Variants in PRKG1 observed in about 807,000 individuals in gnomAD.
The protein encoded by PRKG1 is cGMP-dependent protein kinase 1.
PRKG1 carries 35 observed loss-of-function variants against 88.1 expected under a neutral mutation model. The observed-to-expected ratio is 0.40, with a 90% CI of 0.30 to 0.53. The LOEUF is 0.53. PRKG1 is among the 20% of genes least tolerant of loss of function. The pLI is 0.59. For synonymous variants in PRKG1, 303 were observed against 292.5 expected, an observed-to-expected ratio of 1.04 and a Z score of -0.37; for missense variants, 540 against 839.8, an observed-to-expected ratio of 0.64 and a Z score of 4.41.
chr10:51,413,451 C>T (rs765311445), intron 2 of PRKG1, among the ~76,000 whole-genome samples: 1 of 152,010 alleles, frequency 6.6e-6, no homozygotes, highest in Admixed American at 6.6e-5. Flanking sequence ...CTCTGCTTCC[C>T]GGGGTTCAAG....
In PRKG1 at chr10:52,294,282, T is replaced by C. The variant is rs1244441670; in HGVS notation, c.*382T>C. ...TATTCAAGAAGATGAAAGAATAATA[T>C]ATTGGGTACAATAGATTACTATGGT... is the stretch of plus-strand genomic sequence containing the variant. On this transcript the variant is annotated 3_prime_UTR_variant, in exon 18 of 18. Transcript: ENST00000373980. The C allele has an allele frequency of 6.1e-6, 1 of 165,162 alleles. No individual in the cohort carries two copies. The highest frequency in any genetic ancestry group is 1.3e-5 in the Non-Finnish European group (1 of 76,434). The allele number at this position is 165,162 out of a possible 1,614,324, so 10.2% of individuals were successfully genotyped here. A position where few individuals can be genotyped will look rare whatever the true frequency, so the allele number is the denominator to read the frequency against.
chr10:51,299,138 C>G (rs568254663), intron 2 of PRKG1, among the ~76,000 whole-genome samples: 166 of 152,120 alleles, frequency 1.1e-3, no homozygotes, highest in African/African-American at 3.9e-3. Context: ...TGTCTTTTTG[C>G]CTTTGATGAA....
chr10:51,540,800 A>G (rs535426705), intron 3 of PRKG1, among the ~76,000 whole-genome samples: 5 of 151,904 alleles, frequency 3.3e-5, no homozygotes, highest in South Asian at 2.1e-4. Flanking sequence ...GCTCACTGCT[A>G]TCTCCTCCTC....
At chr10:51,104,426 G>A (rs1322507603) in intron 1 of PRKG1, among the ~76,000 whole-genome samples, 1 of 152,188 alleles carries the variant, frequency 6.6e-6, no homozygotes, top group East Asian at 1.9e-4. Flanking sequence ...TGCGTGACAA[G>A]AGATAGTTGT....
At chr10:51,209,637 A>G (rs1838160675) in intron 2 of PRKG1, among the ~76,000 whole-genome samples, 1 of 152,164 alleles carries the variant, frequency 6.6e-6, no homozygotes. Flanking sequence ...TTTTTGGAAT[A>G]TTATTCTTGC....
chr10:52,108,730 TAAC>T (rs1361337361), intron 7 of PRKG1, among the ~76,000 whole-genome samples: 1 of 152,170 alleles, frequency 6.6e-6, no homozygotes, highest in Non-Finnish European at 1.5e-5. Flanking sequence ...CATAATCTAT[TAAC>T]AAAATTTTCC....
chr10:52,021,741 T>C (rs938749993), intron 5 of PRKG1, among the ~76,000 whole-genome samples: 1 of 152,168 alleles, frequency 6.6e-6, no homozygotes, highest in Non-Finnish European at 1.5e-5. Context: ...ATGTTGATGT[T>C]GTTGACGATG....
rs371165801 is a variant in PRKG1 at position 52,028,628 on chromosome 10, C to T, written c.763-25856C>T. Among the ~76,000 whole-genome samples the T allele has an allele frequency of 3.7e-4, 57 of 152,244 alleles. No homozygotes were observed. The East Asian group carries it at 8.5e-3, about 23-fold the overall frequency. ...ACCTCATGCTGGTGTTAAACAGATCCTAAGTGTACCTGTTCCAATACCTAG... is the reference window on the plus strand; with the variant it reads ...ACCTCATGCTGGTGTTAAACAGATCTTAAGTGTACCTGTTCCAATACCTAG... On this transcript the variant is annotated intron_variant, in intron 5 of 17. Transcript: ENST00000373980.
At chr10:52,119,679 C>T (rs999462046) in intron 7 of PRKG1, among the ~76,000 whole-genome samples, 2 of 152,192 alleles carry the variant, frequency 1.3e-5, no homozygotes, top group African/African-American at 2.4e-5. Context: ...CTCTAAAGTA[C>T]TCATAACCCA....
At chr10:51,937,189 C>T (rs1256028195) in intron 5 of PRKG1, among the ~76,000 whole-genome samples, 2 of 151,900 alleles carry the variant, frequency 1.3e-5, no homozygotes, top group African/African-American at 2.4e-5. Context: ...CTTCATAGGA[C>T]TTGATTTACA....
chr10:51,313,497 C>G (rs1256681190), intron 2 of PRKG1, among the ~76,000 whole-genome samples: 2 of 152,144 alleles, frequency 1.3e-5, no homozygotes, highest in Non-Finnish European at 2.9e-5. Context: ...TTCTCAAAGG[C>G]ATGAACCAGG....
At chr10:51,578,980 GTT>G (rs752412264) in intron 3 of PRKG1, among the ~76,000 whole-genome samples, 201 of 77,800 alleles carry the variant, frequency 2.6e-3, no homozygotes, top group African/African-American at 8.8e-3. Flanking sequence ...AGTTCTGTTG[GTT>G]TTTTTTTTTT....
At chr10:51,973,407 C>T (rs1162275092) in intron 5 of PRKG1, among the ~76,000 whole-genome samples, 1 of 152,162 alleles carries the variant, frequency 6.6e-6, no homozygotes, top group Non-Finnish European at 1.5e-5. Flanking sequence ...AAATGCCTGA[C>T]ACATAGGCTG....
intron 3 of PRKG1, among the ~76,000 whole-genome samples, chr10:51,578,018 A>G (rs540563809): frequency 6.6e-6 from 1 of 152,094 alleles, no homozygotes. Flanking sequence ...GGATTCTCTA[A>G]TCATGTTCAT....
chr10:52,293,366 C>G (rs972128206), intron 17 of PRKG1, among the ~76,000 whole-genome samples: 7 of 151,454 alleles, frequency 4.6e-5, no homozygotes, highest in African/African-American at 7.3e-5. Flanking sequence ...AATGCCATCC[C>G]CATCAAGCTA....
At chr10:51,497,905 G>T (rs1448775965) in intron 3 of PRKG1, among the ~76,000 whole-genome samples, 1 of 152,084 alleles carries the variant, frequency 6.6e-6, no homozygotes, top group African/African-American at 2.4e-5. Flanking sequence ...GTTCCATCTG[G>T]ATGTGTTTGT....
intron 2 of PRKG1, among the ~76,000 whole-genome samples, chr10:51,200,550 G>A (rs1165028759): frequency 2.6e-5 from 4 of 152,134 alleles, no homozygotes; most frequent in Admixed American, 6.5e-5. Context: ...TTACCAGATT[G>A]TAACCATGTT....
intron 5 of PRKG1, among the ~76,000 whole-genome samples, chr10:52,042,867 A>G (rs1845782705): frequency 6.6e-6 from 1 of 152,116 alleles, no homozygotes; most frequent in South Asian, 2.1e-4. Flanking sequence ...AACTCAAACA[A>G]TCCAACAGCA....
intron 4 of PRKG1, among the ~76,000 whole-genome samples, chr10:51,835,090 A>G (rs1840100393): frequency 6.6e-6 from 1 of 152,166 alleles, no homozygotes; most frequent in South Asian, 2.1e-4. Flanking sequence ...ACACCCTCAG[A>G]TAGGCACTTG....
Sources: allele counts gnomAD v4.1 joint callset (sites outside exome capture counted in the v4.1 genomes callset), GRCh38; gene constraint gnomAD v4.1.1; transcripts MANE v1.5; gene names NCBI Gene and HGNC (gene_info 2026-07-23, HGNC 2026-07-21).